Variants in CDH3 observed in about 807,000 individuals in gnomAD.
CDH3 encodes the protein cadherin 3.
In CDH3, 54 loss-of-function variants were observed where a neutral mutation model predicts 82.0. The observed-to-expected ratio is 0.66, with a 90% CI of 0.53 to 0.83. The LOEUF (loss-of-function observed/expected upper bound fraction) is 0.83, where lower values mean the gene tolerates loss of function less well. CDH3 is among the 40% of genes least tolerant of loss of function. The pLI, the probability that CDH3 is intolerant of heterozygous loss-of-function variation, is 0.00. For missense variants in CDH3, 1,054 were observed against 1,084.6 expected (o/e 0.97, Z 0.40); for synonymous variants, 446 against 437.9 (o/e 1.02, Z -0.23).
intron 12 of CDH3, among the ~76,000 whole-genome samples, chr16:68,688,523 A>T (rs562813014): frequency 1.4e-4 from 22 of 152,280 alleles, no homozygotes; most frequent in African/African-American, 5.3e-4. Flanking sequence ...GGGAGGCGGA[A>T]GTTGCAGTGA....
At chr16:68,677,038 G>A (rs1375550155) in intron 3 of CDH3, among the ~76,000 whole-genome samples, 1 of 152,076 alleles carries the variant, frequency 6.6e-6, no homozygotes, top group African/African-American at 2.4e-5. Context: ...TCCTTCCAGA[G>A]TTTATATATA....
At position 68,645,489 on chromosome 16, in the gene CDH3, T is replaced by C. The variant is rs1357608286; in HGVS notation, c.45+65T>C. The stretch of plus-strand genomic sequence containing the variant: ...CCCTGGGGGGCGGGCGGGGTCCGCA[T>C]GGGGCAGTGGCGTCGGGGAGAGCGC... On this transcript the variant is annotated intron_variant, in intron 1 of 15. Coordinates refer to ENST00000264012, the MANE Select transcript of CDH3 (RefSeq NM_001793.6). 7 of 1,562,478 alleles carry C rather than the reference T, an allele frequency of 4.5e-6. No individual in the cohort carries two copies. In the East Asian group the frequency reaches 1.6e-4, roughly 36 times the overall value.
intron 2 of CDH3, among the ~76,000 whole-genome samples, chr16:68,660,950 G>A (rs1310966348): frequency 1.4e-5 from 2 of 144,410 alleles, no homozygotes; most frequent in Admixed American, 7.1e-5. Flanking sequence ...CTGGGCAACA[G>A]AGCAAGACTC....
chr16:68,731,531 CACACACACATAT>C (rs1387197019), downstream of CDH3, among the ~76,000 whole-genome samples: 5,117 of 67,874 alleles, frequency 0.075, 421 homozygotes, highest in Non-Finnish European at 0.14. Flanking sequence ...CACACACACA[CACACACACATAT>C]ATATATATAC....
intron 1 of CDH3, among the ~76,000 whole-genome samples, chr16:68,712,124 A>AC (rs1567463176): frequency 6.9e-6 from 1 of 143,910 alleles, no homozygotes. Flanking sequence ...TGCAGCCTCA[A>AC]CCCCCCAGGC....
intron 1 of CDH3, among the ~76,000 whole-genome samples, chr16:68,713,838 T>G (rs1198727273): frequency 6.6e-6 from 1 of 152,104 alleles, no homozygotes; most frequent in African/African-American, 2.4e-5. Context: ...CTGCTTTACC[T>G]TTGCTTGTGC....
chr16:68,704,131 A>C (rs1433671117), downstream of CDH3, among the ~76,000 whole-genome samples: 1 of 149,250 alleles, frequency 6.7e-6, no homozygotes, highest in Non-Finnish European at 1.5e-5. Flanking sequence ...CTAAAAATAC[A>C]AAAAAATTAG....
chr16:68,730,483 G>A (rs1433193359), downstream of CDH3, among the ~76,000 whole-genome samples: 2 of 151,758 alleles, frequency 1.3e-5, no homozygotes, highest in Non-Finnish European at 2.9e-5. Context: ...CCGAGATCAC[G>A]TCATTGCACC....
At chr16:68,652,142 C>A (rs1330197563) in intron 2 of CDH3, among the ~76,000 whole-genome samples, 1 of 152,150 alleles carries the variant, frequency 6.6e-6, no homozygotes, top group African/African-American at 2.4e-5. Flanking sequence ...AGGAATTAAA[C>A]CCTGGTGTTT....
chr16:68,660,893 A>G (rs1377208970), intron 2 of CDH3, among the ~76,000 whole-genome samples: 1 of 151,502 alleles, frequency 6.6e-6, no homozygotes, highest in Non-Finnish European at 1.5e-5. Context: ...CGGGAGGCAG[A>G]GCTTGCAGTG....
rs1354267059 is a variant in CDH3 at position 68,724,903 on chromosome 16, C to A, written c.*46-2250C>A. ...GGCTGAACTTGGCAGGGAGTGGTTT[C>A]ATTGGCTGCCGAGCCAGCAGAGGGT... On this transcript the variant is annotated intron_variant, in intron 2 of 2. Coordinates refer to the CDH3 transcript ENST00000569080. Among the ~76,000 whole-genome samples the A allele has an allele frequency of 5.3e-5, 8 of 152,132 alleles. No homozygotes were observed. In the East Asian group the frequency reaches 1.3e-3, roughly 26 times the overall value.
chr16:68,715,511 T>C (rs1003270462), intron 1 of CDH3, among the ~76,000 whole-genome samples: 1 of 152,028 alleles, frequency 6.6e-6, no homozygotes, highest in African/African-American at 2.4e-5. Flanking sequence ...TGGGGCGATG[T>C]TCAAGTAGCC....
intron 1 of CDH3, among the ~76,000 whole-genome samples, chr16:68,721,689 T>C (rs995935964): frequency 2.6e-5 from 4 of 152,216 alleles, no homozygotes; most frequent in African/African-American, 9.6e-5. Flanking sequence ...GCCCAGGTGG[T>C]GACTTCTGCC....
chr16:68,648,923 GGTTTGGATTTA>G (rs1304939424), intron 2 of CDH3, among the ~76,000 whole-genome samples: 1 of 150,130 alleles, frequency 6.7e-6, no homozygotes, highest in Non-Finnish European at 1.5e-5. Flanking sequence ...AGAGGAAACT[GGTTTGGATTTA>G]GTCTCTAAGG....
At chr16:68,731,482 GTATA>G (rs760924687), downstream of CDH3, among the ~76,000 whole-genome samples, 29,599 of 52,686 alleles carry the variant, frequency 0.56, 9,313 homozygotes, top group Non-Finnish European at 0.6. Context: ...ACACACACAC[GTATA>G]TACACATATA....
the CDH3 span, among the ~76,000 whole-genome samples, chr16:68,732,943 T>G: frequency 6.7e-6 from 1 of 148,922 alleles, no homozygotes. Context: ...CTGAGGAGCT[T>G]TAGTGGCGGG....
chr16:68,651,929 G>A (rs1025523199), intron 2 of CDH3: 7 of 371,254 alleles, frequency 1.9e-5, no homozygotes, highest in Non-Finnish European at 3.3e-5. Flanking sequence ...AGTATGAGGG[G>A]CCCTTGTTGA....
intron 1 of CDH3, among the ~76,000 whole-genome samples, chr16:68,713,148 T>C (rs980255590): frequency 9.9e-5 from 15 of 152,156 alleles, no homozygotes; most frequent in African/African-American, 3.1e-4. Context: ...CTACTCTTTA[T>C]GACCCTTGAA....
Position 68,678,278 on chromosome 16 carries a change from G to C in CDH3, c.390+1G>C, listed in dbSNP as rs370724082. Reference sequence around the variant, plus strand: ...TCCCTTCCCCCAGAGACTGAATCAGGTACGACTGTGCCTTCTCCTGGGAAG... The same window carrying C: ...TCCCTTCCCCCAGAGACTGAATCAGCTACGACTGTGCCTTCTCCTGGGAAG... On this transcript the variant is annotated splice_donor_variant, in intron 4 of 15. Coordinates refer to ENST00000264012, the MANE Select transcript of CDH3 (RefSeq NM_001793.6). LOFTEE classifies it high-confidence loss of function. The C allele has an allele frequency of 6.8e-6, 11 of 1,614,014 alleles. No homozygotes were observed. The highest frequency in any genetic ancestry group is 1.3e-5 in the African/African-American group (1 of 74,902).
Sources: gnomAD v4.1 joint callset for allele counts (sites outside exome capture counted in the v4.1 genomes callset) on GRCh38, gnomAD v4.1.1 for gene constraint, MANE v1.5 for transcripts, NCBI Gene and HGNC (gene_info 2026-07-23, HGNC 2026-07-21) for gene names.